Variants in NRXN3 observed in about 807,000 individuals in gnomAD.
The protein encoded by NRXN3 is neurexin 3.
In NRXN3, 32 loss-of-function variants were observed where a neutral mutation model predicts 137.6. The observed-to-expected ratio is 0.23, with a 90% CI of 0.18 to 0.31. NRXN3 has a LOEUF of 0.31. Ranked by LOEUF, NRXN3 falls within the 10% of genes least tolerant of loss-of-function variation. The probability of loss-of-function intolerance (pLI) is 1.00; values close to 1 mark genes in which losing one functional copy is unlikely to be tolerated. For synonymous variants in NRXN3, 798 were observed against 784.5 expected, an observed-to-expected ratio of 1.02 and a Z score of -0.29; for missense variants, 1,574 against 2,062.5, an observed-to-expected ratio of 0.76 and a Z score of 4.59.
At chr14:78,887,449 C>G (rs951424930) in intron 10 of NRXN3, among the ~76,000 whole-genome samples, 1 of 151,820 alleles carries the variant, frequency 6.6e-6, no homozygotes, top group Admixed American at 6.6e-5. Flanking sequence ...GTGACAAAAA[C>G]AGGAGTTACT....
chr14:79,691,619 G>T (rs1473486251), intron 17 of NRXN3, among the ~76,000 whole-genome samples: 2 of 152,010 alleles, frequency 1.3e-5, no homozygotes, highest in African/African-American at 4.8e-5. Context: ...GTAATAAGAA[G>T]TCTCCCTTGG....
intron 10 of NRXN3, among the ~76,000 whole-genome samples, chr14:78,945,300 A>G (rs1056958339): frequency 2.0e-5 from 3 of 152,012 alleles, no homozygotes; most frequent in Admixed American, 2.0e-4. Flanking sequence ...GTGTTCTCCC[A>G]TCATTTTCTG....
At chr14:78,618,944 A>C (rs1303555009) in intron 4 of NRXN3, among the ~76,000 whole-genome samples, 29 of 152,208 alleles carry the variant, frequency 1.9e-4, no homozygotes, top group Non-Finnish European at 1.5e-5. Flanking sequence ...TCCTCTGATT[A>C]TTCCTGTGAC....
intron 4 of NRXN3, among the ~76,000 whole-genome samples, chr14:78,629,082 C>T (rs2097495658): frequency 6.6e-6 from 1 of 152,142 alleles, no homozygotes; most frequent in South Asian, 2.1e-4. Context: ...AGCTAAAGCC[C>T]TGATACACAA....
intron 15 of NRXN3, among the ~76,000 whole-genome samples, chr14:79,410,784 A>G (rs1020652786): frequency 2.0e-5 from 3 of 152,062 alleles, no homozygotes; most frequent in African/African-American, 7.2e-5. Context: ...TCATTTATCA[A>G]TCCTTTGTTG....
chr14:79,139,006 A>G (rs906588489), intron 15 of NRXN3, among the ~76,000 whole-genome samples: 2 of 152,220 alleles, frequency 1.3e-5, no homozygotes, highest in African/African-American at 4.8e-5. Flanking sequence ...AAAAATTTGC[A>G]GGTGATGCAC....
chr14:78,250,107 CG>C (rs1567078065), intron 2 of NRXN3: 2 of 516,820 alleles, frequency 3.9e-6, no homozygotes, highest in Admixed American at 3.9e-5. Flanking sequence ...TAAGGAAGCT[CG>C]GGGCAAGAGG....
chr14:79,700,003 G>A (rs955970358), intron 19 of NRXN3, among the ~76,000 whole-genome samples: 3 of 152,004 alleles, frequency 2.0e-5, no homozygotes, highest in Non-Finnish European at 4.4e-5. Context: ...TCTGCCAAGG[G>A]TTTTGGAAAT....
At chr14:78,360,767 A>G (rs1431278568) in intron 4 of NRXN3, among the ~76,000 whole-genome samples, 1 of 152,222 alleles carries the variant, frequency 6.6e-6, no homozygotes, top group Non-Finnish European at 1.5e-5. Context: ...ATTCAAAGCT[A>G]AAGTTAAGAA....
intron 4 of NRXN3, among the ~76,000 whole-genome samples, chr14:78,539,473 T>A (rs917600024): frequency 2.0e-5 from 3 of 152,200 alleles, no homozygotes; most frequent in Non-Finnish European, 4.4e-5. Context: ...CCCTTTTTTT[T>A]ATTGCATCTA....
intron 15 of NRXN3, among the ~76,000 whole-genome samples, chr14:79,109,878 T>G (rs2152877811): frequency 6.6e-6 from 1 of 152,216 alleles, no homozygotes; most frequent in South Asian, 2.1e-4. Context: ...CAAATCTCTA[T>G]GAGGCTGTAG....
intron 4 of NRXN3, among the ~76,000 whole-genome samples, chr14:78,321,235 T>A (rs2153558858): frequency 6.6e-6 from 1 of 152,150 alleles, no homozygotes; most frequent in East Asian, 1.9e-4. Flanking sequence ...CTTTCCAGTG[T>A]CTCGTGCATG....
At chr14:79,025,936 T>G (rs1464071243) in intron 15 of NRXN3, among the ~76,000 whole-genome samples, 1 of 152,150 alleles carries the variant, frequency 6.6e-6, no homozygotes, top group African/African-American at 2.4e-5. Flanking sequence ...TCCAGTTTGT[T>G]GCCTCTTAGT....
intron 16 of NRXN3, among the ~76,000 whole-genome samples, chr14:79,526,069 C>T (rs1232263068): frequency 1.1e-4 from 17 of 151,998 alleles, no homozygotes; most frequent in Non-Finnish European, 7.4e-5. Flanking sequence ...TTTTTTGAGA[C>T]GGAGTTTTGC....
intron 8 of NRXN3, among the ~76,000 whole-genome samples, chr14:78,780,575 T>C (rs1373564788): frequency 6.6e-6 from 1 of 152,084 alleles, no homozygotes; most frequent in African/African-American, 2.4e-5. Flanking sequence ...TATTCTAAAT[T>C]GTATAATGAC....
chr14:79,752,365 C>G (rs534320755), intron 19 of NRXN3, among the ~76,000 whole-genome samples: 2,700 of 152,064 alleles, frequency 0.018, 81 homozygotes, highest in African/African-American at 0.059. Flanking sequence ...GGTACCAAAA[C>G]AGAGATATAG....
At chr14:78,475,306 A>G (rs1449507943) in intron 4 of NRXN3, among the ~76,000 whole-genome samples, 2 of 152,232 alleles carry the variant, frequency 1.3e-5, no homozygotes, top group African/African-American at 2.4e-5. Context: ...AGAGGTTAGC[A>G]TGGTAAGCTG....
At chr14:78,421,261 C>CAAAAAAAAAAAAA (rs34046580) in intron 4 of NRXN3, among the ~76,000 whole-genome samples, 1 of 116,082 alleles carries the variant, frequency 8.6e-6, no homozygotes. Context: ...GACTCCATCT[C>CAAAAAAAAAAAAA]AAAAAAAAAA....
At chr14:78,394,555 T>C (rs2091210443) in intron 4 of NRXN3, among the ~76,000 whole-genome samples, 1 of 151,856 alleles carries the variant, frequency 6.6e-6, no homozygotes, top group Admixed American at 6.6e-5. Flanking sequence ...CGTTTTTGTC[T>C]CATTTTGGTA....
Sources: allele counts gnomAD v4.1 joint callset (sites outside exome capture counted in the v4.1 genomes callset), GRCh38; gene constraint gnomAD v4.1.1; transcripts MANE v1.5; gene names NCBI Gene and HGNC (gene_info 2026-07-23, HGNC 2026-07-21).